The following IL1RAPL1 variants were observed in gnomAD, a reference collection of about 807,000 sequenced individuals.
IL1RAPL1 encodes the protein interleukin 1 receptor accessory protein like 1.
In IL1RAPL1, 3 loss-of-function variants were observed where a neutral mutation model predicts 48.4. The observed-to-expected ratio is 0.06, with a 90% CI of 0.03 to 0.16. IL1RAPL1 has a LOEUF of 0.16. Among genes scored for constraint, IL1RAPL1 ranks in the 10% least tolerant of loss-of-function variants. IL1RAPL1 has a pLI of 1.00. For synonymous variants in IL1RAPL1, 185 were observed against 187.7 expected (o/e 0.99, Z 0.12); for missense variants, 349 against 530.6 (o/e 0.66, Z 3.36).
chrX:29,103,317 A>G (rs746431426), intron 2 of IL1RAPL1, among the ~76,000 whole-genome samples: 3 of 111,856 alleles, frequency 2.7e-5, no homozygotes, highest in East Asian at 2.8e-4. Context: ...AAACAAATCT[A>G]TACATCTACA....
intron 2 of IL1RAPL1, among the ~76,000 whole-genome samples, chrX:28,920,368 T>C (rs1399210568): frequency 1.8e-5 from 2 of 111,987 alleles, no homozygotes; most frequent in African/African-American, 6.5e-5. Context: ...ACAGTTTCAA[T>C]GATGTGGGTG....
At chrX:28,842,697 A>G (rs760906953) in intron 2 of IL1RAPL1, among the ~76,000 whole-genome samples, 1 of 112,203 alleles carries the variant, frequency 8.9e-6, no homozygotes, top group African/African-American at 3.2e-5. Flanking sequence ...TAAAACTGAT[A>G]TCTTTTACTT....
intron 5 of IL1RAPL1, among the ~76,000 whole-genome samples, chrX:29,429,121 T>C (rs1005339405): frequency 8.9e-6 from 1 of 112,232 alleles, no homozygotes; most frequent in African/African-American, 3.2e-5. Context: ...CAAACACTTT[T>C]ATAGTGATAC....
intron 2 of IL1RAPL1, among the ~76,000 whole-genome samples, chrX:28,987,016 T>C: frequency 8.9e-6 from 1 of 112,472 alleles, no homozygotes; most frequent in Admixed American, 9.5e-5. Context: ...TTAGAATCTG[T>C]TTAGCCATGA....
chrX:29,853,901 C>T (rs766024150), intron 6 of IL1RAPL1, among the ~76,000 whole-genome samples: 53 of 111,810 alleles, frequency 4.7e-4, no homozygotes, highest in Non-Finnish European at 9.0e-4. Context: ...AACCAATAAT[C>T]GATAAGAAGA....
intron 1 of IL1RAPL1, among the ~76,000 whole-genome samples, chrX:28,591,494 T>C (rs913524158): frequency 4.4e-5 from 5 of 112,395 alleles, no homozygotes; most frequent in Middle Eastern, 4.6e-3. Flanking sequence ...CTTGTGTTTT[T>C]ATAAAGCAGA....
At chrX:28,886,193 C>T (rs1335625588) in intron 2 of IL1RAPL1, among the ~76,000 whole-genome samples, 1 of 109,552 alleles carries the variant, frequency 9.1e-6, no homozygotes, top group Non-Finnish European at 1.9e-5. Context: ...CTAAATTCTT[C>T]AAGAACTAGA....
At chrX:29,059,415 C>T (rs1927293766) in intron 2 of IL1RAPL1, among the ~76,000 whole-genome samples, 2 of 111,830 alleles carry the variant, frequency 1.8e-5, no homozygotes, top group Non-Finnish European at 3.8e-5. Context: ...ATAAAAGAAA[C>T]TATCATTTCT....
At chrX:28,836,040 A>G (rs2147289094) in intron 2 of IL1RAPL1, among the ~76,000 whole-genome samples, 1 of 110,775 alleles carries the variant, frequency 9.0e-6, no homozygotes, top group Non-Finnish European at 1.9e-5. Context: ...TAAAAATAGA[A>G]GATCCTTTTG....
chrX:28,999,002 T>C (rs944203720), intron 2 of IL1RAPL1, among the ~76,000 whole-genome samples: 1 of 111,975 alleles, frequency 8.9e-6, no homozygotes, highest in African/African-American at 3.2e-5. Flanking sequence ...ACCACTGTTA[T>C]TTGTGAGCTT....
At chrX:28,745,663 G>A (rs1935967043) in intron 1 of IL1RAPL1, among the ~76,000 whole-genome samples, 1 of 111,419 alleles carries the variant, frequency 9.0e-6, no homozygotes, top group African/African-American at 3.3e-5. Flanking sequence ...AATTACTAAG[G>A]GAGAAAACAG....
chrX:29,398,525 T>C (rs964367421), intron 4 of IL1RAPL1, among the ~76,000 whole-genome samples: 3 of 112,147 alleles, frequency 2.7e-5, no homozygotes, highest in African/African-American at 9.7e-5. Context: ...TGAAAACAGA[T>C]ATTTATGGAA....
chrX:29,885,046 G>A (rs189782859), intron 6 of IL1RAPL1, among the ~76,000 whole-genome samples: 96 of 110,856 alleles, frequency 8.7e-4, no homozygotes, highest in Admixed American at 2.4e-3. Flanking sequence ...TCATCCCCCC[G>A]TCTTAGCATG....
chrX:29,730,927 A>C (rs2147130373), intron 6 of IL1RAPL1, among the ~76,000 whole-genome samples: 1 of 112,235 alleles, frequency 8.9e-6, no homozygotes, highest in South Asian at 3.7e-4. Context: ...TTAGATCAGA[A>C]TTCCTTTCTT....
intron 6 of IL1RAPL1, among the ~76,000 whole-genome samples, chrX:29,823,692 G>A (rs957660231): frequency 1.8e-5 from 2 of 111,863 alleles, no homozygotes; most frequent in Non-Finnish European, 3.8e-5. Flanking sequence ...TATTTCCAGG[G>A]TAGAACTAAT....
chrX:29,882,758 A>C (rs983940529), intron 6 of IL1RAPL1, among the ~76,000 whole-genome samples: 20 of 112,084 alleles, frequency 1.8e-4, no homozygotes, highest in African/African-American at 6.5e-4. Context: ...AATTTTAATT[A>C]ATGTAAATTA....
intron 6 of IL1RAPL1, among the ~76,000 whole-genome samples, chrX:29,912,304 A>C (rs1932763659): frequency 8.9e-6 from 1 of 111,928 alleles, no homozygotes; most frequent in Non-Finnish European, 1.9e-5. Context: ...TGAAGCTTTA[A>C]AAAAAGGGAA....
chrX:28,590,799 G>T (rs1933900627), intron 1 of IL1RAPL1, among the ~76,000 whole-genome samples: 1 of 112,049 alleles, frequency 8.9e-6, no homozygotes, highest in African/African-American at 3.2e-5. Context: ...AAGCTCAGTA[G>T]GAGATGGAAA....
chrX:29,164,798 T>TTGTGTATGTGTGTG (rs1569249914), intron 2 of IL1RAPL1, among the ~76,000 whole-genome samples: 1 of 94,877 alleles, frequency 1.1e-5, no homozygotes, highest in Non-Finnish European at 2.2e-5. Context: ...TACTCCATTA[T>TTGTGTATGTGTGTG]TGTGTATGTG....
Sources: allele counts gnomAD v4.1 joint callset (sites outside exome capture counted in the v4.1 genomes callset), GRCh38; gene constraint gnomAD v4.1.1; transcripts MANE v1.5; gene names NCBI Gene and HGNC (gene_info 2026-07-23, HGNC 2026-07-21).